ARHGEF12: variants seen among roughly 807,000 people sequenced by gnomAD.
ARHGEF12 encodes KMT2A/ARHGEF12 fusion protein.
In ARHGEF12, 66 loss-of-function variants were observed where a neutral mutation model predicts 211.2. That is an observed-to-expected ratio of 0.31 (90% CI 0.26 to 0.38). The LOEUF is 0.38. ARHGEF12 is among the 10% of genes least tolerant of loss of function. The pLI is 1.00. For missense variants in ARHGEF12, 1,429 were observed against 1,869.5 expected, an observed-to-expected ratio of 0.76 and a Z score of 4.34; for synonymous variants, 592 against 638.4, an observed-to-expected ratio of 0.93 and a Z score of 1.09.
At chr11:120,440,791 A>C in intron 13 of ARHGEF12, among the ~76,000 whole-genome samples, 1 of 152,092 alleles carries the variant, frequency 6.6e-6, no homozygotes, top group Non-Finnish European at 1.5e-5. Flanking sequence ...GGGAGAAAAC[A>C]CTCAGTCTTT....
intron 1 of ARHGEF12, chr11:120,385,427 A>G (rs1944000633): frequency 1.0e-6 from 1 of 984,854 alleles, no homozygotes; most frequent in Non-Finnish European, 1.2e-6. Context: ...ATTTTCTTCT[A>G]CTCCATGGAA....
At chr11:120,477,032 G>T (rs777686375) in intron 34 of ARHGEF12, 187 bp from the exon 35 acceptor site, 3 of 618,040 alleles carry the variant, frequency 4.9e-6, no homozygotes, top group Admixed American at 3.0e-5. Context: ...TTGGACTCTC[G>T]CCTTAATAGT....
At chr11:120,465,094 C>A (rs1946659816) in intron 27 of ARHGEF12, 143 bp from the exon 28 acceptor site, 1 of 993,708 alleles carries the variant, frequency 1.0e-6, no homozygotes, top group Non-Finnish European at 1.5e-6. Flanking sequence ...TAATGGAGAA[C>A]CATTGATATT....
chr11:120,407,773 A>G lies in ARHGEF12; in HGVS notation c.92A>G (p.Asp31Gly), dbSNP rs1944754482. The change falls in exon 3 of 41, where the codon GAT becomes GGT. Residue 31 changes from aspartate (D) to glycine (G), a missense_variant. Asp to Gly is a moderately conservative substitution (Grantham distance 94, BLOSUM62 -1). This residue lies in a region of ARHGEF12 where 41 missense variants were observed against 48.6 expected (regional missense o/e 0.84). Coordinates refer to ENST00000397843, the MANE Select transcript of ARHGEF12 (RefSeq NM_015313.3). The part of the protein sequence containing the change: ...GSILNRESPT[D>G]KKQKVERIAS... ...ATTTTGAACCGAGAGTCACCAACAG[A>G]TAAGAAGCAGAAAGTTGAGCGCATT... 6.2e-7 allele frequency: 1 copy of G among 1,613,556 alleles called. No individual in the cohort carries two copies. Among genetic ancestry groups the G allele is most frequent in the Admixed American group, 1.7e-5 (1 of 59,990 alleles).
At position 120,488,809 on chromosome 11, in the gene ARHGEF12, T is replaced by G. The variant is rs1214352378; in HGVS notation, c.*3732T>G. 4.8e-6 allele frequency: 1 copy of G among 209,490 alleles called. No homozygotes were observed. Among genetic ancestry groups the G allele is most frequent in the African/African-American group, 2.3e-5 (1 of 44,020 alleles). The allele number at this position is 209,490 out of a possible 1,614,324, so 13.0% of individuals were successfully genotyped here. ...ATCTGGAACTATCTTTAAAAAAACT[T>G]TATTAATAATCATGTATTTTTACTG... is the stretch of plus-strand genomic sequence containing the variant. On this transcript the variant is annotated 3_prime_UTR_variant, in exon 41 of 41. Coordinates refer to ENST00000397843, the MANE Select transcript of ARHGEF12 (RefSeq NM_015313.3).
intron 37 of ARHGEF12, 45 bp downstream of exon 37, chr11:120,478,434 C>A: frequency 6.8e-7 from 1 of 1,468,222 alleles, no homozygotes; most frequent in Non-Finnish European, 9.5e-7. Context: ...CTAAGTATGA[C>A]ACTCATGTGC....
At chr11:120,426,698 T>C (rs946117756) in intron 7 of ARHGEF12, among the ~76,000 whole-genome samples, 2 of 152,186 alleles carry the variant, frequency 1.3e-5, no homozygotes, top group African/African-American at 4.8e-5. Flanking sequence ...GTATTATACA[T>C]AGCAAAACTA....
intron 4 of ARHGEF12, among the ~76,000 whole-genome samples, chr11:120,412,494 G>GT (rs766345107): frequency 1.1e-4 from 16 of 152,216 alleles, no homozygotes; most frequent in Non-Finnish European, 4.4e-5. Flanking sequence ...CCTTCTTGCT[G>GT]TTTGTCTCAC....
At chr11:120,462,218 C>T (rs1946555916) in intron 27 of ARHGEF12, among the ~76,000 whole-genome samples, 1 of 152,034 alleles carries the variant, frequency 6.6e-6, no homozygotes, top group Non-Finnish European at 1.5e-5. Context: ...TGTTAATTGG[C>T]CCAAATTCAA....
At chr11:120,412,086 C>T (rs1208962389) in intron 4 of ARHGEF12, among the ~76,000 whole-genome samples, 1 of 152,126 alleles carries the variant, frequency 6.6e-6, no homozygotes, top group Non-Finnish European at 1.5e-5. Context: ...TCCATTTCCC[C>T]TTATTTGTCC....
intron 20 of ARHGEF12, 96 bp from the exon 21 acceptor site, chr11:120,449,010 TAAC>T (rs1946128369): frequency 7.9e-6 from 8 of 1,018,450 alleles, no homozygotes; most frequent in Non-Finnish European, 8.7e-6. Flanking sequence ...CATTTACACT[TAAC>T]AATTTCTTTG....
At chr11:120,394,029 C>G (rs1251091159) in intron 1 of ARHGEF12, among the ~76,000 whole-genome samples, 1 of 151,258 alleles carries the variant, frequency 6.6e-6, no homozygotes, top group African/African-American at 2.4e-5. Context: ...TGGAAAGTTT[C>G]CAAATATTGG....
intron 1 of ARHGEF12, among the ~76,000 whole-genome samples, chr11:120,363,949 A>G (rs1943351574): frequency 6.6e-6 from 1 of 152,166 alleles, no homozygotes; most frequent in African/African-American, 2.4e-5. Context: ...TTTGCCTGTG[A>G]TATTCACTTG....
chr11:120,402,660 T>C (rs957399812), intron 1 of ARHGEF12, among the ~76,000 whole-genome samples: 7 of 152,120 alleles, frequency 4.6e-5, no homozygotes, highest in African/African-American at 1.7e-4. Context: ...GGAAGACATA[T>C]CTAACACCCT....
At chr11:120,433,839 T>C (rs1215103926) in intron 11 of ARHGEF12, among the ~76,000 whole-genome samples, 1 of 152,070 alleles carries the variant, frequency 6.6e-6, no homozygotes, top group Non-Finnish European at 1.5e-5. Context: ...ACGCCTGTAA[T>C]CTCAGCTACT....
chr11:120,471,218 TATCA>T (rs1946854470), intron 30 of ARHGEF12, among the ~76,000 whole-genome samples: 1 of 152,292 alleles, frequency 6.6e-6, no homozygotes, highest in African/African-American at 2.4e-5. Context: ...CCCAAGAATT[TATCA>T]ACAGAATGGA....
chr11:120,406,289 G>A (rs917031699), intron 2 of ARHGEF12, 148 bp downstream of exon 2: 2 of 518,418 alleles, frequency 3.9e-6, no homozygotes. Context: ...AATTTAAAAT[G>A]TAAAAGATGT....
In ARHGEF12 at chr11:120,488,145, A is replaced by C. The variant is rs1353513344; in HGVS notation, c.*3068A>C. ...TTTAAAAATTATTTTTAGAAGCTAA[A>C]GAAAGTAATTATGCTTCCTGTGAAT... On this transcript the variant is annotated 3_prime_UTR_variant, in exon 41 of 41. Coordinates refer to ENST00000397843, the MANE Select transcript of ARHGEF12 (RefSeq NM_015313.3). The C allele has an allele frequency of 4.6e-6, 1 of 217,128 alleles. No homozygotes were observed. Among genetic ancestry groups the C allele is most frequent in the Non-Finnish European group, 9.3e-6 (1 of 107,924 alleles). 13.5% of individuals were successfully genotyped at this position (217,128 alleles called of 1,614,324 possible). A position where few individuals can be genotyped will look rare whatever the true frequency, so the allele number is the denominator to read the frequency against.
chr11:120,470,609 G>A (rs1036571053), intron 30 of ARHGEF12, among the ~76,000 whole-genome samples: 1 of 152,186 alleles, frequency 6.6e-6, no homozygotes, highest in Non-Finnish European at 1.5e-5. Context: ...CCGTGAACAC[G>A]GATGTAGTTT....
Sources: gnomAD v4.1 joint callset for allele counts (sites outside exome capture counted in the v4.1 genomes callset) on GRCh38, gnomAD v4.1.1 for gene constraint, gnomAD v4.1.1 regional missense constraint, MANE v1.5 for transcripts, NCBI Gene and HGNC (gene_info 2026-07-23, HGNC 2026-07-21) for gene names.